Variants in CDH5 observed in about 807,000 individuals in gnomAD.
CDH5 encodes cadherin-5.
CDH5 carries 28 observed loss-of-function variants against 62.0 expected under a neutral mutation model. The ratio of observed to expected loss-of-function variants is 0.45; its 90% CI spans 0.33 to 0.62. CDH5 has a LOEUF of 0.62. CDH5 is among the 20% of genes least tolerant of loss of function. The pLI, the probability that CDH5 is intolerant of heterozygous loss-of-function variation, is 0.02. For missense variants in CDH5, 940 were observed against 1,065.1 expected, an observed-to-expected ratio of 0.88 and a Z score of 1.63; for synonymous variants, 464 against 445.8, an observed-to-expected ratio of 1.04 and a Z score of -0.52.
intron 1 of CDH5, among the ~76,000 whole-genome samples, chr16:66,376,146 A>AT (rs1291641049): frequency 6.6e-6 from 1 of 151,820 alleles, no homozygotes; most frequent in Non-Finnish European, 1.5e-5. Flanking sequence ...ATAAAACACA[A>AT]TTACTTTTGC....
chr16:66,372,453 G>A (rs1320294511), intron 1 of CDH5, among the ~76,000 whole-genome samples: 1 of 152,254 alleles, frequency 6.6e-6, no homozygotes, highest in Non-Finnish European at 1.5e-5. Context: ...ACCAAACCTG[G>A]TGGGGTGGGG....
intron 1 of CDH5, 136 bp from the exon 2 acceptor site, chr16:66,379,183 A>G: frequency 1.4e-6 from 1 of 691,044 alleles, no homozygotes; most frequent in Admixed American, 2.5e-5. Context: ...GGGAACAATA[A>G]TGTTAATTAC....
intron 5 of CDH5, 71 bp downstream of exon 5, chr16:66,389,593 GA>G: frequency 7.6e-7 from 1 of 1,322,104 alleles, no homozygotes; most frequent in Non-Finnish European, 1.0e-6. Flanking sequence ...GGGGCTCTGG[GA>G]AAAGAGTTAC....
intron 1 of CDH5, among the ~76,000 whole-genome samples, chr16:66,374,946 T>C (rs931721560): frequency 6.6e-6 from 1 of 151,174 alleles, no homozygotes; most frequent in East Asian, 2.0e-4. Context: ...ATCCCTCCCC[T>C]CTCCCCCCAC....
At chr16:66,373,081 G>C (rs1388878394) in intron 1 of CDH5, among the ~76,000 whole-genome samples, 4 of 152,174 alleles carry the variant, frequency 2.6e-5, no homozygotes, top group Non-Finnish European at 5.9e-5. Context: ...GGGCTGCTCA[G>C]CTGGGAATTT....
Position 66,376,089 on chromosome 16 carries a change from ACT to A in CDH5, c.-19-3227_-19-3226del, listed in dbSNP as rs550236545. On this transcript the variant is annotated intron_variant, in intron 1 of 11. Coordinates refer to ENST00000341529, the MANE Select transcript of CDH5 (RefSeq NM_001795.5). ...TCACACCGCTGCACTCCAGAACAAA[ACT>A]CTGTCTCAAAGGAAAAAATAATAAA... 1.5e-3 allele frequency among the ~76,000 whole-genome samples: 222 copies of A among 150,558 alleles called. 1 individual carries two copies. The highest frequency in any genetic ancestry group is 5.2e-3 in the African/African-American group (209 of 40,490).
At chr16:66,392,973 T>A (rs991682691) in intron 7 of CDH5, 2 of 152,816 alleles carry the variant, frequency 1.3e-5, no homozygotes, top group African/African-American at 4.8e-5. Flanking sequence ...TGTTTTAAAA[T>A]TTTTTTGGAT....
chr16:66,402,415 A>C, intron 11 of CDH5, among the ~76,000 whole-genome samples: 1 of 65,634 alleles, frequency 1.5e-5, no homozygotes, highest in South Asian at 6.0e-4. Context: ...AGCGGCAGGG[A>C]CGGGGTGTGG....
intron 10 of CDH5, among the ~76,000 whole-genome samples, chr16:66,399,916 C>T (rs1034482387): frequency 3.9e-5 from 6 of 152,160 alleles, no homozygotes; most frequent in African/African-American, 1.2e-4. Context: ...CATTCAAAAT[C>T]GAAAAGATGG....
chr16:66,385,026 A>C lies in CDH5; in HGVS notation c.211-1783A>C, dbSNP rs546065912. 1.3e-4 allele frequency among the ~76,000 whole-genome samples: 19 copies of C among 150,964 alleles called. 1 individual carries two copies. The South Asian group carries it at 4.0e-3, about 32-fold the overall frequency. On this transcript the variant is annotated intron_variant, in intron 2 of 11. Coordinates refer to ENST00000341529, the MANE Select transcript of CDH5 (RefSeq NM_001795.5). The stretch of plus-strand genomic sequence containing the variant: ...TCAGCATGCCAGCCTCTGAGGCTGC[A>C]AACCTAGATCCTGAGAGCCACAATG...
intron 5 of CDH5, 133 bp from the exon 6 acceptor site, chr16:66,390,269 CA>C: frequency 1.5e-6 from 1 of 664,210 alleles, no homozygotes; most frequent in Non-Finnish European, 2.4e-6. Context: ...TTGAGAATCC[CA>C]GGGGTATTAT....
chr16:66,393,732 A>G (rs974746472), intron 7 of CDH5, among the ~76,000 whole-genome samples: 1 of 152,206 alleles, frequency 6.6e-6, no homozygotes, highest in Non-Finnish European at 1.5e-5. Context: ...TTTATTTGAT[A>G]TAATTTTTTG....
chr16:66,389,305 T>C, intron 4 of CDH5, 53 bp from the exon 5 acceptor site: 4 of 1,559,194 alleles, frequency 2.6e-6, no homozygotes, highest in Non-Finnish European at 3.5e-6. Context: ...GCCCTAGGCA[T>C]CGGTATTTTC....
rs1235113793 is a variant in CDH5, at chr16:66,404,759, T to C, written c.*1590T>C. 4 of 152,510 alleles carry C rather than the reference T, an allele frequency of 2.6e-5. No individual in the cohort carries two copies. Among genetic ancestry groups the C allele is most frequent in the Non-Finnish European group, 5.9e-5 (4 of 68,020 alleles). 9.4% of individuals were successfully genotyped at this position (152,510 alleles called of 1,614,324 possible). On this transcript the variant is annotated 3_prime_UTR_variant, in exon 12 of 12. Transcript: ENST00000341529. ...AGTACTGTATTTTTTTATACCTAAA[T>C]AAAGAAAAATCTTTAGCCTGGGCAA...
intron 7 of CDH5, 32 bp downstream of exon 7, chr16:66,392,415 G>C: frequency 2.5e-6 from 4 of 1,611,350 alleles, no homozygotes; most frequent in Non-Finnish European, 3.4e-6. Flanking sequence ...AGAATGATAA[G>C]GACAATCCGG....
Position 66,386,830 on chromosome 16 carries a change from A to G in CDH5, c.232A>G (p.Lys78Glu). 6.2e-7 allele frequency: 1 copy of G among 1,611,826 alleles called. No homozygotes were observed. Among genetic ancestry groups the G allele is most frequent in the African/African-American group, 1.3e-5 (1 of 75,022 alleles). ...VGKIKSSVSR[K>E]NAKYLLKGEY... ...CTAGATCAAGTCAAGCGTGAGTCGC[A>G]AGAATGCCAAGTACCTGCTCAAAGG... The change falls in exon 3 of 12, where the codon AAG becomes GAG. Residue 78 changes from lysine (K) to glutamate (E), a missense_variant. Physicochemically the swap from Lys to Glu is moderately conservative, Grantham distance 56 (BLOSUM62 1). Coordinates refer to ENST00000341529, the MANE Select transcript of CDH5 (RefSeq NM_001795.5).
At chr16:66,395,274 G>A (rs969176076) in intron 7 of CDH5, among the ~76,000 whole-genome samples, 1 of 150,778 alleles carries the variant, frequency 6.6e-6, no homozygotes, top group East Asian at 1.9e-4. Flanking sequence ...ATGTATTCTA[G>A]TATTTAATTT....
intron 5 of CDH5, among the ~76,000 whole-genome samples, chr16:66,389,740 T>A (rs1961050397): frequency 6.6e-6 from 1 of 152,002 alleles, no homozygotes; most frequent in Non-Finnish European, 1.5e-5. Flanking sequence ...CACAATCCCC[T>A]CATAGGCCAG....
chr16:66,371,402 C>A (rs1259410792), intron 1 of CDH5, among the ~76,000 whole-genome samples: 4 of 152,120 alleles, frequency 2.6e-5, no homozygotes, highest in African/African-American at 7.2e-5. Flanking sequence ...TCATCCCTGA[C>A]CCCAGGCCTC....
Sources: allele counts gnomAD v4.1 joint callset (sites outside exome capture counted in the v4.1 genomes callset), GRCh38; gene constraint gnomAD v4.1.1; transcripts MANE v1.5; gene names NCBI Gene and HGNC (gene_info 2026-07-23, HGNC 2026-07-21).